Variants in RPS6KA2 observed in about 807,000 individuals in gnomAD.
RPS6KA2 encodes the protein ribosomal protein S6 kinase A2, also known as ribosomal protein S6 kinase alpha-2.
RPS6KA2 carries 42 observed loss-of-function variants against 91.8 expected under a neutral mutation model. The ratio of observed to expected loss-of-function variants is 0.46; its 90% CI spans 0.36 to 0.59. RPS6KA2 has a LOEUF of 0.59. Ranked by LOEUF, RPS6KA2 falls within the 20% of genes least tolerant of loss-of-function variation. RPS6KA2 has a pLI of 0.00. For synonymous variants in RPS6KA2, 414 were observed against 393.6 expected (o/e 1.05, Z -0.61); for missense variants, 798 against 978.5 (o/e 0.82, Z 2.46).
chr6:166,689,587 G>A (rs187644778), intron 2 of RPS6KA2, among the ~76,000 whole-genome samples: 176 of 152,364 alleles, frequency 1.2e-3, no homozygotes, highest in African/African-American at 4.0e-3. Flanking sequence ...GTTGGGCTCT[G>A]CTGGCCCTGT....
chr6:166,630,144 T>C (rs1582964547), upstream of RPS6KA2, among the ~76,000 whole-genome samples: 2 of 152,300 alleles, frequency 1.3e-5, no homozygotes, highest in South Asian at 4.1e-4. Flanking sequence ...AGTCCCAGGC[T>C]GAGGAATAAC....
chr6:166,659,676 A>AT (rs1582994626), intron 2 of RPS6KA2, among the ~76,000 whole-genome samples: 1 of 152,116 alleles, frequency 6.6e-6, no homozygotes, highest in East Asian at 1.9e-4. Context: ...GTCTGTAGTT[A>AT]TTTTTAGTGC....
At chr6:166,756,449 T>C (rs1430931540) in intron 2 of RPS6KA2, among the ~76,000 whole-genome samples, 3 of 152,260 alleles carry the variant, frequency 2.0e-5, no homozygotes, top group Non-Finnish European at 4.4e-5. Flanking sequence ...AACAGCAATT[T>C]CTCAACAGAT....
chr6:166,819,099 C>T (rs1274892980), intron 2 of RPS6KA2, among the ~76,000 whole-genome samples: 3 of 152,272 alleles, frequency 2.0e-5, no homozygotes, highest in South Asian at 2.1e-4. Context: ...CAGAAGCCCA[C>T]AACATCATTT....
At chr6:166,592,854 C>G (rs1029904340) in intron 1 of RPS6KA2, among the ~76,000 whole-genome samples, 2 of 152,104 alleles carry the variant, frequency 1.3e-5, no homozygotes, top group African/African-American at 4.8e-5. Flanking sequence ...TAATTATATT[C>G]CTTATGAATC....
intron 2 of RPS6KA2, among the ~76,000 whole-genome samples, chr6:166,655,138 A>G (rs1001900744): frequency 2.0e-5 from 3 of 152,214 alleles, no homozygotes; most frequent in African/African-American, 7.2e-5. Flanking sequence ...GTTCATATAT[A>G]TTGAATATTT....
intron 2 of RPS6KA2, among the ~76,000 whole-genome samples, chr6:166,811,802 T>C (rs1214384007): frequency 6.6e-6 from 1 of 152,246 alleles, no homozygotes. Flanking sequence ...CCCATTCTTC[T>C]TAATCAAGTT....
intron 10 of RPS6KA2, among the ~76,000 whole-genome samples, chr6:166,481,656 A>G (rs957879779): frequency 6.6e-6 from 1 of 151,850 alleles, no homozygotes; most frequent in African/African-American, 2.4e-5. Flanking sequence ...GACTGTACAT[A>G]TACCTCTCTG....
chr6:166,787,829 C>A (rs1294045921), intron 2 of RPS6KA2, among the ~76,000 whole-genome samples: 4 of 152,098 alleles, frequency 2.6e-5, no homozygotes, highest in African/African-American at 9.7e-5. Context: ...CAAATGGGAT[C>A]TAATCAAACT....
chr6:166,842,868 A>G (rs1780520265), intron 2 of RPS6KA2, among the ~76,000 whole-genome samples: 3 of 152,234 alleles, frequency 2.0e-5, no homozygotes, highest in Admixed American at 2.0e-4. Context: ...GAACTACCAC[A>G]GCAACATACC....
intron 2 of RPS6KA2, among the ~76,000 whole-genome samples, chr6:166,638,453 G>A (rs928255291): frequency 3.3e-5 from 5 of 152,148 alleles, no homozygotes; most frequent in African/African-American, 4.8e-5. Context: ...GAACAACGTC[G>A]CTCTTGAAAT....
At chr6:166,469,972 C>T in intron 10 of RPS6KA2, 67 bp from the exon 11 acceptor site, 2 of 1,406,120 alleles carry the variant, frequency 1.4e-6, no homozygotes, top group Non-Finnish European at 2.0e-6. Context: ...GTTTCCAATG[C>T]AGCAGTGTGG....
chr6:166,602,361 C>T (rs960661540), intron 1 of RPS6KA2, among the ~76,000 whole-genome samples: 5 of 152,208 alleles, frequency 3.3e-5, no homozygotes, highest in South Asian at 2.1e-4. Flanking sequence ...GGTATATACC[C>T]GAGAGAACCT....
chr6:166,579,216 T>G (rs984267615), intron 1 of RPS6KA2, among the ~76,000 whole-genome samples: 1 of 152,248 alleles, frequency 6.6e-6, no homozygotes, highest in Non-Finnish European at 1.5e-5. Flanking sequence ...TTCTATTTTC[T>G]GCATTCAGCT....
chr6:166,761,253 C>A lies in RPS6KA2; in HGVS notation c.123+96947G>T, dbSNP rs1202671. ...AGAGACAGGATTTCACCATGTTGCC[C>A]GGGCTGGTCTCGAACTCCTGACCTC... On this transcript the variant is annotated intron_variant, in intron 2 of 21. Coordinates refer to the RPS6KA2 transcript ENST00000503859. Among the ~76,000 whole-genome samples the A allele has an allele frequency of 1.8e-3, 279 of 152,096 alleles. 4 individuals are homozygous for A. In the Middle Eastern group the frequency reaches 0.024, roughly 13 times the overall value.
intron 1 of RPS6KA2, among the ~76,000 whole-genome samples, chr6:166,602,509 A>G (rs1785780294): frequency 6.6e-6 from 1 of 152,252 alleles, no homozygotes; most frequent in South Asian, 2.1e-4. Context: ...TGGCACAGTC[A>G]GATGAAATAC....
chr6:166,559,032 A>C (rs1784261660), intron 1 of RPS6KA2, among the ~76,000 whole-genome samples: 1 of 152,222 alleles, frequency 6.6e-6, no homozygotes, highest in South Asian at 2.1e-4. Context: ...ATTTAAAATA[A>C]AGGCATGTGG....
Position 166,533,988 on chromosome 6 carries a change from C to T in RPS6KA2, c.217-2675G>A, listed in dbSNP as rs567875806. Among the ~76,000 whole-genome samples the T allele has an allele frequency of 3.9e-5, 6 of 152,012 alleles. No homozygotes were observed. The highest frequency in any genetic ancestry group is 1.9e-4 in the East Asian group (1 of 5,160). ...CTGTAATCCCAGCACTTTGGGAGGC[C>T]GAGGCGGGCGGATCACGAGGTCAGG... On this transcript the variant is annotated intron_variant, in intron 2 of 20. Transcript: ENST00000265678. This position sits in a 1 kb window ranked among gnomAD's most constrained non-coding sequence, Gnocchi z 4.0.
intron 2 of RPS6KA2, among the ~76,000 whole-genome samples, chr6:166,663,467 C>G (rs761929050): frequency 1.3e-4 from 20 of 152,178 alleles, no homozygotes; most frequent in Non-Finnish European, 2.8e-4. Context: ...GGTTCTCCAC[C>G]ACGGCCAAGG....
Sources: gnomAD v4.1 joint callset for allele counts (sites outside exome capture counted in the v4.1 genomes callset) on GRCh38, gnomAD v4.1.1 for gene constraint, Gnocchi (gnomAD v3.1) non-coding constraint, MANE v1.5 for transcripts, NCBI Gene and HGNC (gene_info 2026-07-23, HGNC 2026-07-21) for gene names.